The following CADM2 variants were observed in gnomAD, a reference collection of about 807,000 sequenced individuals.
CADM2 encodes cell adhesion molecule 2.
In CADM2, 12 loss-of-function variants were observed where a neutral mutation model predicts 49.8. The ratio of observed to expected loss-of-function variants is 0.24; its 90% CI spans 0.15 to 0.39. CADM2 has a LOEUF of 0.39. Ranked by LOEUF, CADM2 falls within the 10% of genes least tolerant of loss-of-function variation. CADM2 has a pLI of 1.00. For missense variants in CADM2, 378 were observed against 492.3 expected, an observed-to-expected ratio of 0.77 and a Z score of 2.20; for synonymous variants, 214 against 175.4, an observed-to-expected ratio of 1.22 and a Z score of -1.74.
At chr3:85,295,702 A>G (rs2043941991) in intron 1 of CADM2, among the ~76,000 whole-genome samples, 1 of 150,944 alleles carries the variant, frequency 6.6e-6, no homozygotes, top group Non-Finnish European at 1.5e-5. Flanking sequence ...AAAAAACCAA[A>G]CACTCACAGG....
chr3:85,573,157 T>TTTTA lies in CADM2; in HGVS notation c.62-153316_62-153313dup, dbSNP rs34809115. On this transcript the variant is annotated intron_variant, in intron 1 of 9. Transcript: ENST00000383699. Reference sequence around the variant, plus strand: ...AATGTAATATATAAAAACGTGCTTATTTTATTTATTTATTTATTTATTTAT... The same window carrying TTTTA: ...AATGTAATATATAAAAACGTGCTTATTTTATTTATTTATTTATTTATTTATTTAT... 8.3e-3 allele frequency among the ~76,000 whole-genome samples: 1,159 copies of TTTTA among 139,564 alleles called. 10 individuals are homozygous for TTTTA. The highest frequency in any genetic ancestry group is 0.014 in the Admixed American group (196 of 13,802). 91.6% of individuals were successfully genotyped at this position (139,564 alleles called of 152,430 possible).
chr3:86,022,070 T>C (rs1733264667), intron 8 of CADM2, among the ~76,000 whole-genome samples: 1 of 152,196 alleles, frequency 6.6e-6, no homozygotes, highest in African/African-American at 2.4e-5. Context: ...ACTGTCTATA[T>C]GCACCTTATA....
At chr3:85,422,592 C>T (rs2036224968) in intron 1 of CADM2, among the ~76,000 whole-genome samples, 1 of 152,056 alleles carries the variant, frequency 6.6e-6, no homozygotes, top group Non-Finnish European at 1.5e-5. Context: ...TTTTAAAATA[C>T]TTCCATATTA....
intron 1 of CADM2, among the ~76,000 whole-genome samples, chr3:85,133,369 C>T (rs1009927935): frequency 2.0e-5 from 3 of 152,134 alleles, no homozygotes; most frequent in Non-Finnish European, 2.9e-5. Flanking sequence ...GTTTACAATC[C>T]CTGAGCTAGA....
chr3:85,369,358 T>C (rs2033029097), intron 1 of CADM2, among the ~76,000 whole-genome samples: 1 of 152,176 alleles, frequency 6.6e-6, no homozygotes, highest in African/African-American at 2.4e-5. Context: ...TGAGGCCCGG[T>C]GCAGTGGCTC....
At chr3:86,030,930 T>C (rs951073102) in intron 8 of CADM2, among the ~76,000 whole-genome samples, 2 of 151,992 alleles carry the variant, frequency 1.3e-5, no homozygotes, top group Admixed American at 1.3e-4. Context: ...AACATTTTCT[T>C]CTGTGTGTGT....
chr3:85,599,598 G>A (rs950912780), intron 1 of CADM2, among the ~76,000 whole-genome samples: 1 of 151,814 alleles, frequency 6.6e-6, no homozygotes, highest in African/African-American at 2.4e-5. Flanking sequence ...GGCAAAGCTT[G>A]TGAGGCATTC....
chr3:85,377,900 A>G (rs1034603608), intron 1 of CADM2, among the ~76,000 whole-genome samples: 2 of 152,028 alleles, frequency 1.3e-5, no homozygotes, highest in African/African-American at 4.8e-5. Context: ...TGTCAGATTT[A>G]TTTGAGAATT....
At chr3:85,730,463 A>G (rs1375290647) in intron 2 of CADM2, among the ~76,000 whole-genome samples, 4 of 151,642 alleles carry the variant, frequency 2.6e-5, no homozygotes, top group African/African-American at 7.3e-5. Flanking sequence ...ATAAAATAAA[A>G]TAAAATAAAA....
In CADM2 at chr3:84,993,224, G is replaced by A. The variant is rs532085161; in HGVS notation, c.61+33556G>A. Among the ~76,000 whole-genome samples, 831 of 152,214 alleles carry A rather than the reference G, an allele frequency of 5.5e-3. 5 individuals carry two copies. The highest frequency in any genetic ancestry group is 9.3e-3 in the Non-Finnish European group (633 of 67,994). On this transcript the variant is annotated intron_variant, in intron 1 of 9. Coordinates refer to ENST00000383699, the MANE Select transcript of CADM2 (RefSeq NM_001167675.2). ...GAGTTAAGGAGGCAATTCCTAAAAC[G>A]AAAAGAAGTGTGTTAGCAAAAGGAG...
intron 8 of CADM2, among the ~76,000 whole-genome samples, chr3:86,015,965 T>C (rs1019797194): frequency 6.6e-6 from 1 of 152,192 alleles, no homozygotes; most frequent in Non-Finnish European, 1.5e-5. Flanking sequence ...AACATTGCTG[T>C]TATTTTTGAT....
chr3:85,570,220 A>G (rs550439633), intron 1 of CADM2, among the ~76,000 whole-genome samples: 4 of 152,260 alleles, frequency 2.6e-5, no homozygotes, highest in Non-Finnish European at 5.9e-5. Flanking sequence ...TCTACCTACT[A>G]TCATCAATTC....
At chr3:85,411,017 A>G (rs1268935896) in intron 1 of CADM2, among the ~76,000 whole-genome samples, 1 of 152,218 alleles carries the variant, frequency 6.6e-6, no homozygotes, top group African/African-American at 2.4e-5. Flanking sequence ...TCATTTTCCA[A>G]TAGAAAGAAT....
chr3:85,255,374 C>G (rs531734991), intron 1 of CADM2, among the ~76,000 whole-genome samples: 7 of 152,052 alleles, frequency 4.6e-5, no homozygotes, highest in African/African-American at 1.7e-4. Context: ...TGCAACAAGG[C>G]TTAGTTAGTG....
chr3:85,569,698 T>G lies in CADM2; in HGVS notation c.62-156824T>G, dbSNP rs371745256. Among the ~76,000 whole-genome samples, 402 of 90,530 alleles carry G rather than the reference T, an allele frequency of 4.4e-3. 1 individual carries two copies. Among genetic ancestry groups the G allele is most frequent in the Non-Finnish European group, 7.4e-3 (310 of 41,736 alleles). 59.4% of individuals were successfully genotyped at this position (90,530 alleles called of 152,430 possible). A position where few individuals can be genotyped will look rare whatever the true frequency, so the allele number is the denominator to read the frequency against. On this transcript the variant is annotated intron_variant, in intron 1 of 9. Transcript: ENST00000383699. ...ATGTTTTTTAGAGGAACCTTTCTAA[T>G]GGCAAAAAAAAAAAAAGAAAAAAAA... is the stretch of plus-strand genomic sequence containing the variant.
intron 1 of CADM2, among the ~76,000 whole-genome samples, chr3:85,132,821 A>G (rs2039277428): frequency 6.6e-6 from 1 of 152,188 alleles, no homozygotes; most frequent in Admixed American, 6.5e-5. Flanking sequence ...TCCACATGGT[A>G]TAGTAGTGTA....
chr3:85,144,009 A>T (rs1277448760), intron 1 of CADM2, among the ~76,000 whole-genome samples: 1 of 152,132 alleles, frequency 6.6e-6, no homozygotes, highest in African/African-American at 2.4e-5. Flanking sequence ...TTGCTGGGCC[A>T]GGAACACAGC....
At chr3:85,128,228 CT>C (rs1323209597) in intron 1 of CADM2, among the ~76,000 whole-genome samples, 2 of 152,272 alleles carry the variant, frequency 1.3e-5, no homozygotes, top group South Asian at 4.1e-4. Context: ...AAGTAAGACG[CT>C]TTTTAAGAGT....
chr3:85,475,558 C>T (rs1489957622), intron 1 of CADM2, among the ~76,000 whole-genome samples: 1 of 151,676 alleles, frequency 6.6e-6, no homozygotes, highest in Non-Finnish European at 1.5e-5. Context: ...TGACTCATAA[C>T]GTAGTCATTA....
Sources: gnomAD v4.1 joint callset for allele counts (sites outside exome capture counted in the v4.1 genomes callset) on GRCh38, gnomAD v4.1.1 for gene constraint, MANE v1.5 for transcripts, NCBI Gene and HGNC (gene_info 2026-07-23, HGNC 2026-07-21) for gene names.